The following CROCC variants were observed in gnomAD, a reference collection of about 807,000 sequenced individuals.
CROCC encodes ciliary rootlet coiled-coil, rootletin.
A neutral mutation model predicts 245.2 loss-of-function variants in CROCC; 180 were observed. The ratio of observed to expected loss-of-function variants is 0.73; its 90% CI spans 0.65 to 0.83. The LOEUF (loss-of-function observed/expected upper bound fraction) is 0.83, where lower values mean the gene tolerates loss of function less well. Among genes scored for constraint, CROCC ranks in the 40% least tolerant of loss-of-function variants. The pLI, the probability that CROCC is intolerant of heterozygous loss-of-function variation, is 0.00. For missense variants in CROCC, 2,688 were observed against 2,779.4 expected, an observed-to-expected ratio of 0.97 and a Z score of 0.74; for synonymous variants, 1,205 against 1,241.6, an observed-to-expected ratio of 0.97 and a Z score of 0.62.
Position 16,930,525 on chromosome 1 carries a change from G to T in CROCC, c.780G>T (p.Val260=). ...NQALSEDIRK[V]TNDWTRCRKE... is the part of the protein sequence containing the mutation. Reference sequence around the variant, plus strand: ...CTCTGAGTGAGGACATACGAAAGGTGACCAATGACTGGACACGCTGCCGCA... The same window carrying T: ...CTCTGAGTGAGGACATACGAAAGGTTACCAATGACTGGACACGCTGCCGCA... Residue 260 remains valine, a synonymous_variant, in exon 7 of 37, where the codon GTG becomes GTT. Coordinates refer to ENST00000375541, the MANE Select transcript of CROCC (RefSeq NM_014675.5). 1.9e-6 allele frequency: 3 copies of T among 1,612,514 alleles called. No homozygotes were observed. The South Asian group carries it at 3.3e-5, about 18-fold the overall frequency.
chr1:16,951,897 T>G (rs2076166963), intron 20 of CROCC: 1 of 163,364 alleles, frequency 6.1e-6, no homozygotes, highest in South Asian at 1.8e-4. Flanking sequence ...TTTTTTTTCT[T>G]TTTTCTTTTT....
At chr1:16,952,300 C>T (rs1311107526) in intron 20 of CROCC, among the ~76,000 whole-genome samples, 1 of 151,748 alleles carries the variant, frequency 6.6e-6, no homozygotes, top group Non-Finnish European at 1.5e-5. Context: ...CTGGCTAACA[C>T]AGTGAAACCC....
At position 16,946,199 on chromosome 1, in the gene CROCC, C is replaced by T. The variant is rs544458619; in HGVS notation, c.2137-60C>T. The T allele has an allele frequency of 2.5e-3, 3,907 of 1,563,012 alleles. No homozygotes were observed. The African/African-American group carries it at 0.047, about 19-fold the overall frequency. On this transcript the variant is annotated intron_variant, in intron 15 of 36. Transcript: ENST00000375541. ...CCATCTCTCTGGGTCTCTTCTTGGG[C>T]CTCCTCACCTCCTCCCGACCTTTCT...
At position 16,965,828 on chromosome 1, in the gene CROCC, C is replaced by T. The variant is rs140740474; in HGVS notation, c.4511C>T (p.Pro1504Leu). The change falls in exon 28 of 37, where the codon CCG becomes CTG. Residue 1504 changes from proline to leucine, a missense_variant. Coordinates refer to ENST00000375541, the MANE Select transcript of CROCC (RefSeq NM_014675.5). ...ATSPASPDLDPEAVRGALREF... is the reference protein window; with the variant it reads ...ATSPASPDLDLEAVRGALREF... Reference sequence around the variant, plus strand: ...TCCCCAGCCTCTCCAGACCTGGACCCGGAGGCAGTGCGCGGGGCCCTCCGG... The same window carrying T: ...TCCCCAGCCTCTCCAGACCTGGACCTGGAGGCAGTGCGCGGGGCCCTCCGG... 1.0e-4 allele frequency: 165 copies of T among 1,613,632 alleles called. 1 individual carries two copies. The highest frequency in any genetic ancestry group is 2.5e-5 in the Non-Finnish European group (29 of 1,180,036).
chr1:16,937,795 A>G, intron 10 of CROCC, 58 bp downstream of exon 10: 1 of 1,472,288 alleles, frequency 6.8e-7, no homozygotes, highest in Non-Finnish European at 9.4e-7. Context: ...GGCCAGATCC[A>G]TGGACGCAGG....
At chr1:16,927,884 A>G (rs2100345841) in intron 3 of CROCC, among the ~76,000 whole-genome samples, 1 of 152,400 alleles carries the variant, frequency 6.6e-6, no homozygotes, top group Non-Finnish European at 1.5e-5. Flanking sequence ...CTCAGGGGGA[A>G]GCCCCCAAGT....
chr1:16,937,481 G>C (rs2075817335), intron 9 of CROCC, among the ~76,000 whole-genome samples, 160 bp from the exon 10 acceptor site: 1 of 152,290 alleles, frequency 6.6e-6, no homozygotes, highest in Non-Finnish European at 1.5e-5. Context: ...AGAAATGTGA[G>C]ATCTGGAGAG....
chr1:16,971,029 T>C (rs946303876), intron 35 of CROCC: 21 of 454,994 alleles, frequency 4.6e-5, no homozygotes, highest in Non-Finnish European at 7.7e-5. Flanking sequence ...CATGTGACGA[T>C]TCTTGTGTAT....
rs777069692 is a variant in CROCC at position 16,948,836 on chromosome 1, G to A, written c.2746G>A (p.Val916Met). 3 of 1,611,602 alleles carry A rather than the reference G, an allele frequency of 1.9e-6. No individual in the cohort carries two copies. Among genetic ancestry groups the A allele is most frequent in the African/African-American group, 1.3e-5 (1 of 74,890 alleles). ...KEALEGSLFE[V>M]QRQLAQLEAR... The stretch of plus-strand genomic sequence containing the variant: ...AGCCCTGGAGGGCAGCCTGTTTGAG[G>A]TGCAACGGCAGCTGGCCCAGCTTGA... The change falls in exon 19 of 37, where the codon GTG (valine) becomes ATG (methionine). Residue 916 changes from valine (V) to methionine (M), a missense_variant. Transcript: ENST00000375541.
At chr1:16,940,892 G>GA (rs1249143423) in intron 13 of CROCC, 4 of 426,036 alleles carry the variant, frequency 9.4e-6, no homozygotes, top group Non-Finnish European at 1.9e-5. Context: ...CCTGGGGAAG[G>GA]ATATGGGACC....
chr1:16,957,633 CAG>C (rs978347499), intron 25 of CROCC, among the ~76,000 whole-genome samples: 1 of 151,984 alleles, frequency 6.6e-6, no homozygotes, highest in African/African-American at 2.4e-5. Flanking sequence ...TTAGTAGAGA[CAG>C]GGTTTCACCA....
intron 8 of CROCC, among the ~76,000 whole-genome samples, chr1:16,935,494 CT>C (rs1347650388): frequency 6.6e-6 from 1 of 152,252 alleles, no homozygotes; most frequent in Non-Finnish European, 1.5e-5. Flanking sequence ...AATCTCGGCT[CT>C]CTGCAAGCTC....
intron 3 of CROCC, among the ~76,000 whole-genome samples, chr1:16,924,936 A>G (rs1217949025): frequency 6.6e-6 from 1 of 152,286 alleles, no homozygotes; most frequent in African/African-American, 2.4e-5. Context: ...GGCAGCCACA[A>G]GACCTGCCGC....
chr1:16,946,043 G>A lies in CROCC; in HGVS notation c.2137-216G>A, dbSNP rs375726926. Among the ~76,000 whole-genome samples the A allele has an allele frequency of 3.0e-3, 450 of 152,244 alleles. No individual in the cohort carries two copies. In the East Asian group the frequency reaches 0.056, roughly 19 times the overall value. ...ACTCTGGCCCTGCCCTGCAGCTTGA[G>A]CTATTTTTGCACAGCTCTGTGGTGT... On this transcript the variant is annotated intron_variant, in intron 15 of 36. Coordinates refer to ENST00000375541, the MANE Select transcript of CROCC (RefSeq NM_014675.5).
At chr1:16,970,223 G>A (rs1337560737) in intron 33 of CROCC, 30 bp from the exon 34 acceptor site, 1 of 1,519,764 alleles carries the variant, frequency 6.6e-7, no homozygotes, top group East Asian at 2.5e-5. Context: ...GGCCCAGAGG[G>A]ATTCGGGGCC....
Position 16,938,926 on chromosome 1 carries a change from T to A in CROCC, c.1392T>A (p.Ser464=). Residue 464 remains serine, a synonymous_variant, in exon 12 of 37, where the codon TCT becomes TCA. Coordinates refer to ENST00000375541, the MANE Select transcript of CROCC (RefSeq NM_014675.5). The part of the protein sequence containing the change: ...RDLAQAVLSD[S]ESGVQLSGSE... ...ACCCTCAGGCCGTCTTGTCAGACTC[T>A]GAGAGCGGCGTCCAGCTGAGCGGCT... The A allele has an allele frequency of 6.2e-7, 1 of 1,602,884 alleles. No individual in the cohort carries two copies. The highest frequency in any genetic ancestry group is 8.5e-7 in the Non-Finnish European group (1 of 1,176,950).
chr1:16,935,626 G>A (rs1463918125), intron 8 of CROCC, among the ~76,000 whole-genome samples: 3 of 152,364 alleles, frequency 2.0e-5, no homozygotes, highest in Non-Finnish European at 2.9e-5. Context: ...GGGTTTCACC[G>A]TGATAGCCAG....
chr1:16,935,719 T>C (rs6658046), intron 8 of CROCC, among the ~76,000 whole-genome samples: 120,707 of 152,202 alleles, frequency 0.79, 45,802 homozygotes, highest in African/African-American at 0.94. Context: ...CCACCAAGCC[T>C]GGCCTTCCAC....
Position 16,961,111 on chromosome 1 carries a change from C to T in CROCC, c.4386C>T (p.Ala1462=). The change falls in exon 27 of 37, where the codon GCC becomes GCT. Residue 1462 remains alanine, a synonymous_variant. Coordinates refer to ENST00000375541, the MANE Select transcript of CROCC (RefSeq NM_014675.5). ...CGCGGCCAGTGCCCGGTTCCCCTGCCCGGGACGCACCCGCAGAAGGTAAGG... is the reference window on the plus strand; with the variant it reads ...CGCGGCCAGTGCCCGGTTCCCCTGCTCGGGACGCACCCGCAGAAGGTAAGG... ...PAPRPVPGSP[A]RDAPAEGSGE... The T allele has an allele frequency of 2.2e-6, 3 of 1,355,666 alleles. No individual in the cohort carries two copies. Among genetic ancestry groups the T allele is most frequent in the Non-Finnish European group, 2.8e-6 (3 of 1,059,016 alleles). 84.0% of individuals were successfully genotyped at this position (1,355,666 alleles called of 1,614,324 possible).
Sources: gnomAD v4.1 joint callset for allele counts (sites outside exome capture counted in the v4.1 genomes callset) on GRCh38, gnomAD v4.1.1 for gene constraint, MANE v1.5 for transcripts, NCBI Gene and HGNC (gene_info 2026-07-23, HGNC 2026-07-21) for gene names.